Variants in PCDHGB1 observed in about 807,000 individuals in gnomAD.
The protein encoded by PCDHGB1 is protocadherin gamma-B1.
In PCDHGB1, 34 loss-of-function variants were observed where a neutral mutation model predicts 56.6. That is an observed-to-expected ratio of 0.60 (90% confidence interval 0.46 to 0.80). PCDHGB1 has a LOEUF of 0.80. Among genes scored for constraint, PCDHGB1 ranks in the 30% least tolerant of loss-of-function variants. PCDHGB1 has a pLI of 0.00. For synonymous variants in PCDHGB1, 561 were observed against 505.9 expected, an observed-to-expected ratio of 1.11 and a Z score of -1.46; for missense variants, 1,278 against 1,204.6, an observed-to-expected ratio of 1.06 and a Z score of -0.90.
chr5:141,389,845 C>T, intron 1 of PCDHGB1: 1 of 1,614,054 alleles, frequency 6.2e-7, no homozygotes. Context: ...CCACTCTCGG[C>T]CACTGCCACG....
At chr5:141,409,462 C>A (rs377705841) in intron 1 of PCDHGB1, 64 of 1,613,870 alleles carry the variant, frequency 4.0e-5, no homozygotes, top group Non-Finnish European at 5.3e-5. Flanking sequence ...AATACAATGT[C>A]ACCATCGTAG....
At chr5:141,387,036 C>G (rs1026680473) in intron 1 of PCDHGB1, among the ~76,000 whole-genome samples, 1 of 152,116 alleles carries the variant, frequency 6.6e-6, no homozygotes, top group Non-Finnish European at 1.5e-5. Flanking sequence ...ATTTCATAAC[C>G]AGTAAAATAA....
At chr5:141,418,946 G>A in intron 1 of PCDHGB1, 3 of 1,614,018 alleles carry the variant, frequency 1.9e-6, no homozygotes, top group South Asian at 1.1e-5. Flanking sequence ...TTCCCCTCCA[G>A]GAGTGGTTGT....
chr5:141,433,305 C>T, intron 1 of PCDHGB1: 1 of 931,032 alleles, frequency 1.1e-6, no homozygotes, highest in Non-Finnish European at 1.6e-6. Flanking sequence ...GCAATTATCC[C>T]ACCTTTGCCT....
rs376621545 is a variant in PCDHGB1, at chr5:141,422,143, G to A, written c.2409+69474G>A. The stretch of plus-strand genomic sequence containing the variant: ...ACAAACTGGAGAAGTTCAAGTACGG[G>A]GGTCTCTGGATTTTGAAAAATATAG... On this transcript the variant is annotated intron_variant, in intron 1 of 3. Transcript: ENST00000523390. 36 of 1,583,638 alleles carry A rather than the reference G, an allele frequency of 2.3e-5. No individual in the cohort carries two copies. The African/African-American group carries it at 3.8e-4, about 17-fold the overall frequency.
At chr5:141,459,693 C>A (rs1014443574) in intron 1 of PCDHGB1, among the ~76,000 whole-genome samples, 1 of 152,210 alleles carries the variant, frequency 6.6e-6, no homozygotes, top group African/African-American at 2.4e-5. Flanking sequence ...AAGCGTTCCG[C>A]TTGCTACATT....
chr5:141,350,520 T>A lies in PCDHGB1; in HGVS notation c.260T>A (p.Ile87Lys). Residue 87 changes from isoleucine (I) to lysine (K), a missense_variant, in exon 1 of 4, where the codon ATA (isoleucine) becomes AAA (lysine). By Grantham distance (102) the Ile-to-Lys change is moderately radical. Coordinates refer to ENST00000523390, the MANE Select transcript of PCDHGB1 (RefSeq NM_018922.3). The part of the protein sequence containing the change: ...ESGDLLVNGR[I>K]DREKICGRKL... ...GGGGATTTGTTAGTGAACGGTAGGA[T>A]AGATCGAGAGAAGATTTGCGGAAGG... The A allele has an allele frequency of 6.2e-7, 1 of 1,614,008 alleles. No individual in the cohort carries two copies. Among genetic ancestry groups the A allele is most frequent in the Non-Finnish European group, 8.5e-7 (1 of 1,179,896 alleles).
chr5:141,389,070 T>C, intron 1 of PCDHGB1: 1 of 1,613,964 alleles, frequency 6.2e-7, no homozygotes, highest in South Asian at 1.1e-5. Flanking sequence ...ATTAACTTCT[T>C]CAAGAAACAC....
chr5:141,476,271 C>T lies in PCDHGB1; in HGVS notation c.2410-18536C>T. Reference sequence around the variant, plus strand: ...GGTTTCGCTGTGGGCAACGTGGTCGCGAACCTTGGTTTGGATCTCGGTAGC... The same window carrying T: ...GGTTTCGCTGTGGGCAACGTGGTCGTGAACCTTGGTTTGGATCTCGGTAGC... On this transcript the variant is annotated intron_variant, in intron 1 of 3. Coordinates refer to ENST00000523390, the MANE Select transcript of PCDHGB1 (RefSeq NM_018922.3). This position sits in a 1 kb window ranked among gnomAD's most constrained non-coding sequence, Gnocchi z 7.6. 4 of 1,613,892 alleles carry T rather than the reference C, an allele frequency of 2.5e-6. No homozygotes were observed. The highest frequency in any genetic ancestry group is 3.4e-6 in the Non-Finnish European group (4 of 1,179,974).
At chr5:141,370,888 A>T (rs765704496) in intron 1 of PCDHGB1, 3 of 1,614,036 alleles carry the variant, frequency 1.9e-6, no homozygotes, top group Non-Finnish European at 2.5e-6. Flanking sequence ...GTAGGTGTCA[A>T]TTCGCTGCAG....
intron 1 of PCDHGB1, chr5:141,370,382 C>T (rs1326664452): frequency 6.5e-7 from 1 of 1,532,830 alleles, no homozygotes; most frequent in Non-Finnish European, 8.8e-7. Flanking sequence ...AAGGCAAAGG[C>T]GCAGAGAGCG....
chr5:141,352,815 C>T, intron 1 of PCDHGB1, 146 bp downstream of exon 1: 2 of 818,646 alleles, frequency 2.4e-6, no homozygotes, highest in East Asian at 2.7e-5. Flanking sequence ...GATGGTAAAA[C>T]CCGGTCTACT....
intron 1 of PCDHGB1, chr5:141,356,879 C>G (rs1760374565): frequency 6.2e-7 from 1 of 1,614,084 alleles, no homozygotes; most frequent in Admixed American, 1.7e-5. Context: ...GACAATGTCC[C>G]TGAGATCCTG....
chr5:141,482,505 C>T (rs1183998287), intron 1 of PCDHGB1, among the ~76,000 whole-genome samples: 1 of 122,986 alleles, frequency 8.1e-6, no homozygotes, highest in African/African-American at 3.4e-5. Context: ...TTCTGGTACC[C>T]AGAGTACAGT....
intron 1 of PCDHGB1, chr5:141,395,335 T>C (rs2093216572): frequency 6.9e-7 from 1 of 1,441,668 alleles, no homozygotes; most frequent in Non-Finnish European, 9.2e-7. Flanking sequence ...GAAAATAATT[T>C]TTAAGGTGTA....
chr5:141,398,313 G>T lies in PCDHGB1; in HGVS notation c.2409+45644G>T, dbSNP rs1270917645. The T allele has an allele frequency of 6.6e-6, 9 of 1,358,982 alleles. No individual in the cohort carries two copies. The South Asian group carries it at 1.1e-4, about 16-fold the overall frequency. 84.2% of individuals were successfully genotyped at this position (1,358,982 alleles called of 1,614,324 possible). A position where few individuals can be genotyped will look rare whatever the true frequency, so the allele number is the denominator to read the frequency against. ...TGGGGTTCAGCGTCCAGGAGTTACC[G>T]ACTCGAAAACTGCGCGTCAGTTCGG... On this transcript the variant is annotated intron_variant, in intron 1 of 3. Transcript: ENST00000523390.
chr5:141,390,264 G>C lies in PCDHGB1; in HGVS notation c.2409+37595G>C, dbSNP rs771554792. 18 of 1,614,004 alleles carry C rather than the reference G, an allele frequency of 1.1e-5. No individual in the cohort carries two copies. In the African/African-American group the frequency reaches 2.1e-4, roughly 19 times the overall value. Reference sequence around the variant, plus strand: ...CTTATTTCCACTTTGTAATTCCAGTGAATTGACTTCCCATCAGGTGAGTTT... The same window carrying C: ...CTTATTTCCACTTTGTAATTCCAGTCAATTGACTTCCCATCAGGTGAGTTT... On this transcript the variant is annotated intron_variant, in intron 1 of 3. Coordinates refer to ENST00000523390, the MANE Select transcript of PCDHGB1 (RefSeq NM_018922.3).
chr5:141,365,043 A>G (rs1264854717), intron 1 of PCDHGB1: 5 of 1,613,814 alleles, frequency 3.1e-6, no homozygotes, highest in Non-Finnish European at 4.2e-6. Flanking sequence ...GCAAACGACA[A>G]TGCGCCCCTG....
rs539620413 is a variant in PCDHGB1, at chr5:141,488,489, G to GT, written c.2410-6317dup. Among the ~76,000 whole-genome samples the GT allele has an allele frequency of 1.6e-4, 25 of 152,268 alleles. No homozygotes were observed. In the South Asian group the frequency reaches 4.6e-3, roughly 28 times the overall value. On this transcript the variant is annotated intron_variant, in intron 1 of 3. Transcript: ENST00000523390. ...AGAAATGTTCCCCTACCCAAAAACT[G>GT]TAACACTCATTCCACATTTGGGGTC...
Sources: allele counts gnomAD v4.1 joint callset (sites outside exome capture counted in the v4.1 genomes callset), GRCh38; gene constraint gnomAD v4.1.1; non-coding constraint Gnocchi (gnomAD v3.1); transcripts MANE v1.5; gene names NCBI Gene and HGNC (gene_info 2026-07-23, HGNC 2026-07-21).